The following MCMDC2 variants were observed in gnomAD, a reference collection of about 807,000 sequenced individuals.
MCMDC2 encodes minichromosome maintenance domain-containing protein 2.
A neutral mutation model predicts 75.8 loss-of-function variants in MCMDC2; 54 were observed. The observed-to-expected ratio is 0.71, with a 90% confidence interval of 0.57 to 0.89. The LOEUF (loss-of-function observed/expected upper bound fraction) is 0.89. Among genes scored for constraint, MCMDC2 ranks in the 40% least tolerant of loss-of-function variants. The pLI is 0.00. For missense variants in MCMDC2, 656 were observed against 780.4 expected, an observed-to-expected ratio of 0.84 and a Z score of 1.90; for synonymous variants, 249 against 274.6, an observed-to-expected ratio of 0.91 and a Z score of 0.92.
At chr8:66,898,553 G>T (rs1442196098) in intron 12 of MCMDC2, among the ~76,000 whole-genome samples, 1 of 151,514 alleles carries the variant, frequency 6.6e-6, no homozygotes, top group Non-Finnish European at 1.5e-5. Context: ...GAACCCGGAA[G>T]GCGGAGGTTG....
intron 4 of MCMDC2, 142 bp downstream of exon 4, chr8:66,874,728 C>A: frequency 1.4e-6 from 1 of 699,050 alleles, no homozygotes; most frequent in Non-Finnish European, 2.4e-6. Flanking sequence ...ACATAGGCAT[C>A]TTTATTTCTT....
chr8:66,905,097 A>T (rs1812851939), intron 13 of MCMDC2, 129 bp from the exon 14 acceptor site: 15 of 696,396 alleles, frequency 2.2e-5, no homozygotes, highest in Non-Finnish European at 2.8e-5. Context: ...GAAACTAAAA[A>T]TTTTTTTAAA....
chr8:66,877,001 C>T (rs908902634), intron 4 of MCMDC2, among the ~76,000 whole-genome samples: 1 of 152,118 alleles, frequency 6.6e-6, no homozygotes, highest in Non-Finnish European at 1.5e-5. Flanking sequence ...ACCTCGTGAT[C>T]TGCCCGCCTT....
chr8:66,925,077 G>A (rs1813677919), downstream of MCMDC2, among the ~76,000 whole-genome samples: 2 of 152,194 alleles, frequency 1.3e-5, no homozygotes, highest in Non-Finnish European at 2.9e-5. Context: ...CTTTGCTGGG[G>A]ACACAAGAGA....
chr8:66,890,761 G>T, intron 9 of MCMDC2, 104 bp from the exon 10 acceptor site: 2 of 911,246 alleles, frequency 2.2e-6, no homozygotes, highest in Non-Finnish European at 3.4e-6. Flanking sequence ...ACAATAGCTG[G>T]TGTATCACAG....
Position 66,883,855 on chromosome 8 carries a change from C to A in MCMDC2, c.934C>A (p.Gln312Lys), listed in dbSNP as rs764279981. The A allele has an allele frequency of 3.7e-6, 6 of 1,613,954 alleles. No homozygotes were observed. In the Admixed American group the frequency reaches 8.3e-5, roughly 22 times the overall value. The change falls in exon 9 of 15, where the codon CAA (glutamine) becomes AAA (lysine). Residue 312 changes from glutamine to lysine, a missense_variant. Physicochemically the swap from Gln to Lys is moderately conservative, Grantham distance 53. Coordinates refer to ENST00000422365, the MANE Select transcript of MCMDC2 (RefSeq NM_173518.5). Reference protein sequence around the residue: ...TAILANIFASQITPPGTYNLL... With the variant: ...TAILANIFASKITPPGTYNLL... ...AATACTTGCCAATATCTTTGCATCACAAATTACCCCTCCTGGGACTTACAA... is the reference window on the plus strand; with the variant it reads ...AATACTTGCCAATATCTTTGCATCAAAAATTACCCCTCCTGGGACTTACAA...
At chr8:66,873,134 A>G (rs1471033281) in intron 1 of MCMDC2, among the ~76,000 whole-genome samples, 1 of 152,132 alleles carries the variant, frequency 6.6e-6, no homozygotes, top group Non-Finnish European at 1.5e-5. Flanking sequence ...CTACTGACAT[A>G]TATTGTTTCC....
chr8:66,873,995 T>G, intron 1 of MCMDC2, 58 bp from the exon 2 acceptor site: 1 of 549,028 alleles, frequency 1.8e-6, no homozygotes, highest in Non-Finnish European at 2.9e-6. Flanking sequence ...CTGTCAACTT[T>G]AATAATTTGT....
Position 66,919,339 on chromosome 8 carries a change from A to G in MCMDC2, c.*170A>G. ...CCCCTCAAAACTAATTGCTAATGGG[A>G]TAAATACTAATCCAAACCTCTAAAA... On this transcript the variant is annotated 3_prime_UTR_variant, in exon 15 of 15. Coordinates refer to ENST00000422365, the MANE Select transcript of MCMDC2 (RefSeq NM_173518.5). 2.2e-6 allele frequency: 1 copy of G among 463,880 alleles called. No individual in the cohort carries two copies. The highest frequency in any genetic ancestry group is 3.7e-6 in the Non-Finnish European group (1 of 272,952). The allele number at this position is 463,880 out of a possible 1,614,324, so 28.7% of individuals were successfully genotyped here.
chr8:66,908,184 A>C (rs1812977483), intron 14 of MCMDC2, among the ~76,000 whole-genome samples: 1 of 152,114 alleles, frequency 6.6e-6, no homozygotes, highest in Admixed American at 6.6e-5. Context: ...GTTTTCTTCT[A>C]GGGTTTTTAT....
At chr8:66,918,061 T>C (rs1173745593) in intron 14 of MCMDC2, among the ~76,000 whole-genome samples, 1 of 152,190 alleles carries the variant, frequency 6.6e-6, no homozygotes, top group Non-Finnish European at 1.5e-5. Context: ...TCTCTAACAC[T>C]TGTCATTTTG....
chr8:66,904,288 C>A (rs991227650), intron 13 of MCMDC2, among the ~76,000 whole-genome samples: 2 of 151,998 alleles, frequency 1.3e-5, no homozygotes, highest in Admixed American at 6.6e-5. Flanking sequence ...AGTAAAGGAA[C>A]TAGAAATATT....
intron 14 of MCMDC2, among the ~76,000 whole-genome samples, chr8:66,915,320 C>T (rs1041544982): frequency 1.3e-5 from 2 of 151,658 alleles, no homozygotes; most frequent in African/African-American, 2.4e-5. Context: ...GGCGTAGTGG[C>T]GCGCGTCTGT....
intron 14 of MCMDC2, among the ~76,000 whole-genome samples, chr8:66,914,972 T>C (rs68169458): frequency 0.34 from 52,048 of 151,846 alleles, 9,295 homozygotes; most frequent in African/African-American, 0.44. Flanking sequence ...ATGCCATTTA[T>C]CAAGATTGGG....
intron 14 of MCMDC2, among the ~76,000 whole-genome samples, chr8:66,907,586 C>T (rs1048621710): frequency 1.3e-5 from 2 of 152,162 alleles, no homozygotes; most frequent in Admixed American, 6.5e-5. Context: ...TGGGTATATA[C>T]CCAGTAATGG....
chr8:66,895,382 T>TCTTC (rs1315217694), intron 10 of MCMDC2, among the ~76,000 whole-genome samples: 4 of 151,070 alleles, frequency 2.6e-5, no homozygotes, highest in Non-Finnish European at 5.9e-5. Flanking sequence ...CCTTCTTCCT[T>TCTTC]CTTCTTCTTC....
At position 66,880,885 on chromosome 8, in the gene MCMDC2, A is replaced by C; in HGVS notation, c.746A>C (p.Tyr249Ser). ...SVNKMNIGNE[Y>S]KIIGIPTCVK... ...AATAAAATGAATATAGGAAATGAAT[A>C]TAAAATTATTGGAATTCCAACCTGT... Residue 249 changes from tyrosine (Y) to serine (S), a missense_variant, in exon 8 of 15, where the codon TAT becomes TCT. Physicochemically the swap from Tyr to Ser is moderately radical, Grantham distance 144 (BLOSUM62 -2). Coordinates refer to ENST00000422365, the MANE Select transcript of MCMDC2 (RefSeq NM_173518.5). The C allele has an allele frequency of 6.4e-7, 1 of 1,564,800 alleles. No homozygotes were observed. Among genetic ancestry groups the C allele is most frequent in the South Asian group, 1.2e-5 (1 of 80,888 alleles).
At chr8:66,875,340 C>T (rs532475830) in intron 4 of MCMDC2, among the ~76,000 whole-genome samples, 4 of 152,058 alleles carry the variant, frequency 2.6e-5, no homozygotes, top group African/African-American at 4.8e-5. Flanking sequence ...AGTGCAATGG[C>T]GTGATCTTGA....
At chr8:66,912,199 GT>G (rs756240772) in intron 14 of MCMDC2, among the ~76,000 whole-genome samples, 35 of 152,210 alleles carry the variant, frequency 2.3e-4, no homozygotes, top group Non-Finnish European at 4.1e-4. Flanking sequence ...ACTTGGAGGG[GT>G]TCAAGACTTC....
Sources: gnomAD v4.1 joint callset for allele counts (sites outside exome capture counted in the v4.1 genomes callset) on GRCh38, gnomAD v4.1.1 for gene constraint, MANE v1.5 for transcripts, NCBI Gene and HGNC (gene_info 2026-07-23, HGNC 2026-07-21) for gene names.